Variants in ANKRD6 observed in about 807,000 individuals in gnomAD.
ANKRD6 encodes ankyrin repeat domain 6.
ANKRD6 carries 56 observed loss-of-function variants against 82.3 expected under a neutral mutation model. That is an observed-to-expected ratio of 0.68 (90% confidence interval 0.55 to 0.85). The LOEUF (loss-of-function observed/expected upper bound fraction) is 0.85, where lower values mean the gene tolerates loss of function less well. ANKRD6 is among the 40% of genes least tolerant of loss of function. The pLI is 0.00. For synonymous variants in ANKRD6, 347 were observed against 352.1 expected (o/e 0.99, Z 0.16); for missense variants, 852 against 907.6 (o/e 0.94, Z 0.79).
At chr6:89,443,406 G>C (rs1023510750) in intron 1 of ANKRD6, among the ~76,000 whole-genome samples, 10 of 152,128 alleles carry the variant, frequency 6.6e-5, no homozygotes, top group Non-Finnish European at 1.3e-4. Flanking sequence ...TAATTCACTA[G>C]GTCTGGGGAG....
intron 3 of ANKRD6, chr6:89,602,578 A>G (rs1367859728): frequency 6.1e-6 from 1 of 165,204 alleles, no homozygotes; most frequent in African/African-American, 2.4e-5. Context: ...TCATCAAATC[A>G]TGAGTGCTGC....
At chr6:89,533,435 C>T (rs1020833854) in intron 1 of ANKRD6, among the ~76,000 whole-genome samples, 2 of 152,066 alleles carry the variant, frequency 1.3e-5, no homozygotes, top group Non-Finnish European at 2.9e-5. Context: ...CCTTGGATGC[C>T]CCACAGTGTC....
rs906069095 is a variant in ANKRD6 at position 89,632,024 on chromosome 6, A to G, written c.*1020A>G. ...AGGCCAGAAGACTTTACTTTGTTCC[A>G]TAATGAAATATAAACACAGAACAAA... On this transcript the variant is annotated 3_prime_UTR_variant, in exon 16 of 16. Coordinates refer to ENST00000339746, the MANE Select transcript of ANKRD6 (RefSeq NM_001242809.2). 6.6e-6 allele frequency: 1 copy of G among 152,258 alleles called. No homozygotes were observed. Among genetic ancestry groups the G allele is most frequent in the Non-Finnish European group, 1.5e-5 (1 of 68,048 alleles). The allele number at this position is 152,258 out of a possible 1,614,324, so 9.4% of individuals were successfully genotyped here.
chr6:89,585,522 A>C (rs957767560), intron 2 of ANKRD6, among the ~76,000 whole-genome samples: 2 of 152,244 alleles, frequency 1.3e-5, no homozygotes, highest in Non-Finnish European at 2.9e-5. Flanking sequence ...CAAATTTATA[A>C]ATCACAAAAA....
At chr6:89,543,815 C>T (rs893576175) in intron 1 of ANKRD6, among the ~76,000 whole-genome samples, 4 of 152,176 alleles carry the variant, frequency 2.6e-5, no homozygotes, top group Non-Finnish European at 4.4e-5. Flanking sequence ...TCGCCCATGC[C>T]AATCAGCCAC....
At chr6:89,531,260 A>ACTCATC (rs2127990316) in intron 1 of ANKRD6, among the ~76,000 whole-genome samples, 1 of 152,372 alleles carries the variant, frequency 6.6e-6, no homozygotes, top group South Asian at 2.1e-4. Flanking sequence ...TGTTAGGATG[A>ACTCATC]GGAAAGGAGG....
At chr6:89,493,561 T>C (rs1778258110) in intron 1 of ANKRD6, among the ~76,000 whole-genome samples, 1 of 152,068 alleles carries the variant, frequency 6.6e-6, no homozygotes, top group Non-Finnish European at 1.5e-5. Flanking sequence ...AGGCATGCAC[T>C]ATCATGCCCA....
intron 1 of ANKRD6, among the ~76,000 whole-genome samples, chr6:89,506,116 A>G (rs953805229): frequency 6.6e-6 from 1 of 152,194 alleles, no homozygotes; most frequent in Admixed American, 6.5e-5. Context: ...TATAAGATGA[A>G]TAAGTTCTGG....
At chr6:89,627,530 G>T (rs1806123275) in intron 13 of ANKRD6, 53 bp from the exon 14 acceptor site, 6 of 1,569,750 alleles carry the variant, frequency 3.8e-6, no homozygotes, top group Non-Finnish European at 2.6e-6. Flanking sequence ...TGAGAAGCCA[G>T]GGCTCACCCT....
intron 1 of ANKRD6, among the ~76,000 whole-genome samples, chr6:89,547,067 C>T (rs1785187015): frequency 6.6e-6 from 1 of 152,096 alleles, no homozygotes; most frequent in Non-Finnish European, 1.5e-5. Flanking sequence ...TTCAAATGAT[C>T]CTCCCACCTC....
At position 89,631,015 on chromosome 6, in the gene ANKRD6, G is replaced by A. The variant is rs9344950; in HGVS notation, c.*11G>A. ...CAGAAGGAAAATTAGCACCAATAAA[G>A]AGGAAATATGAAAGGATTCTTGAAG... On this transcript the variant is annotated 3_prime_UTR_variant, in exon 16 of 16. Transcript: ENST00000339746. 0.18 allele frequency: 261,239 copies of A among 1,492,234 alleles called. 23,351 individuals carry two copies. Among genetic ancestry groups the A allele is most frequent in the East Asian group, 0.2 (8,054 of 40,922 alleles). 92.4% of individuals were successfully genotyped at this position (1,492,234 alleles called of 1,614,324 possible).
chr6:89,567,039 C>T lies in ANKRD6; in HGVS notation c.63C>T (p.Gly21=), dbSNP rs1375341795. The part of the protein sequence containing the change: ...SERLLVAAYK[G]QTENVVQLIN... Reference sequence around the variant, plus strand: ...GCCTTCTCGTAGCTGCGTACAAAGGCCAAACAGAGAATGTGGTTCAGCTCA... The same window carrying T: ...GCCTTCTCGTAGCTGCGTACAAAGGTCAAACAGAGAATGTGGTTCAGCTCA... Residue 21 remains glycine, a synonymous_variant, in exon 2 of 16, where the codon GGC becomes GGT. Transcript: ENST00000339746. 6.2e-7 allele frequency: 1 copy of T among 1,607,560 alleles called. No individual in the cohort carries two copies. Among genetic ancestry groups the T allele is most frequent in the Non-Finnish European group, 8.5e-7 (1 of 1,176,968 alleles).
intron 1 of ANKRD6, among the ~76,000 whole-genome samples, chr6:89,453,857 A>G (rs944286946): frequency 6.6e-6 from 1 of 151,520 alleles, no homozygotes; most frequent in South Asian, 2.1e-4. Flanking sequence ...GCTTGAGTGC[A>G]GTGGCATGAT....
intron 1 of ANKRD6, among the ~76,000 whole-genome samples, chr6:89,435,699 G>C (rs922229071): frequency 1.3e-5 from 2 of 152,188 alleles, no homozygotes; most frequent in Admixed American, 6.5e-5. Context: ...TGATGGCTGT[G>C]ATTTTAAAAG....
In ANKRD6 at chr6:89,612,315, C is replaced by G. The variant is rs865895910; in HGVS notation, c.461C>G (p.Ser154Cys). 2 of 1,566,442 alleles carry G rather than the reference C, an allele frequency of 1.3e-6. No individual in the cohort carries two copies. The highest frequency in any genetic ancestry group is 3.8e-5 in the Admixed American group (2 of 53,072). Residue 154 changes from serine (S) to cysteine (C), a missense_variant, in exon 6 of 16, where the codon TCC becomes TGC. Coordinates refer to ENST00000339746, the MANE Select transcript of ANKRD6 (RefSeq NM_001242809.2). Reference protein sequence around the residue: ...ALHLACQNSHSQSTRVLLLAG... With the variant: ...ALHLACQNSHCQSTRVLLLAG... ...CACCTGGCCTGCCAGAACAGCCACT[C>G]CCAGAGCACGCGCGTCCTCCTGCTG...
chr6:89,566,974 T>C lies in ANKRD6; in HGVS notation c.-3T>C, dbSNP rs1404392816. 6.3e-7 allele frequency: 1 copy of C among 1,582,760 alleles called. No individual in the cohort carries two copies. Among genetic ancestry groups the C allele is most frequent in the African/African-American group, 1.3e-5 (1 of 74,376 alleles). ...TTCCCTGAAAACCTTTCTTTCCTAA[T>C]TCATGAGCCAGCAAGATGCGGTCGC... is the stretch of plus-strand genomic sequence containing the variant. On this transcript the variant is annotated 5_prime_UTR_variant, in exon 2 of 16. Coordinates refer to ENST00000339746, the MANE Select transcript of ANKRD6 (RefSeq NM_001242809.2).
chr6:89,522,698 G>A (rs1583067203), intron 1 of ANKRD6, among the ~76,000 whole-genome samples: 1 of 152,104 alleles, frequency 6.6e-6, no homozygotes, highest in East Asian at 1.9e-4. Context: ...AGTTTTTCTA[G>A]GGCAGCCCCA....
At chr6:89,462,785 T>G (rs1055230402) in intron 1 of ANKRD6, among the ~76,000 whole-genome samples, 1 of 152,170 alleles carries the variant, frequency 6.6e-6, no homozygotes, top group Non-Finnish European at 1.5e-5. Flanking sequence ...GGAGCTGTCT[T>G]ATTTATTTTT....
At chr6:89,481,881 C>T (rs1163636898) in intron 1 of ANKRD6, among the ~76,000 whole-genome samples, 3 of 152,176 alleles carry the variant, frequency 2.0e-5, no homozygotes, top group Non-Finnish European at 2.9e-5. Flanking sequence ...TGTGATGAAG[C>T]TTAACAAAGT....
Sources: gnomAD v4.1 joint callset for allele counts (sites outside exome capture counted in the v4.1 genomes callset) on GRCh38, gnomAD v4.1.1 for gene constraint, MANE v1.5 for transcripts, NCBI Gene and HGNC (gene_info 2026-07-23, HGNC 2026-07-21) for gene names.